LYPD6B: variants seen among roughly 807,000 people sequenced by gnomAD.
LYPD6B encodes the protein ly6/PLAUR domain-containing protein 6B.
Under a neutral mutation model 22.8 loss-of-function variants are expected in LYPD6B, and 17 were observed. The observed-to-expected ratio is 0.75, with a 90% CI of 0.51 to 1.12. LYPD6B has a LOEUF of 1.12. Ranked by LOEUF, LYPD6B falls within the 50% of genes most tolerant of loss-of-function variation. The pLI is 0.00. For synonymous variants in LYPD6B, 106 were observed against 91.6 expected (o/e 1.16, Z -0.90); for missense variants, 221 against 258.3 (o/e 0.86, Z 0.99).
At chr2:149,196,918 A>G (rs1001669858) in intron 3 of LYPD6B, among the ~76,000 whole-genome samples, 1 of 152,204 alleles carries the variant, frequency 6.6e-6, no homozygotes, top group African/African-American at 2.4e-5. Context: ...GCCACGTATT[A>G]GAGTGCATTT....
chr2:149,173,277 G>A (rs768521718), intron 3 of LYPD6B, among the ~76,000 whole-genome samples: 129 of 142,048 alleles, frequency 9.1e-4, no homozygotes, highest in Non-Finnish European at 1.7e-3. Flanking sequence ...TGCCCGTTCT[G>A]TTGATTATTT....
chr2:149,064,014 T>A (rs1049921581), intron 1 of LYPD6B, among the ~76,000 whole-genome samples: 1 of 152,240 alleles, frequency 6.6e-6, no homozygotes, highest in Non-Finnish European at 1.5e-5. Context: ...AGCAGATAGA[T>A]GCGGAATTTA....
intron 3 of LYPD6B, among the ~76,000 whole-genome samples, chr2:149,163,667 G>A (rs754497805): frequency 2.6e-4 from 40 of 152,264 alleles, no homozygotes; most frequent in Non-Finnish European, 4.7e-4. Context: ...TCAGGTTACA[G>A]GTGAGGGAAC....
intron 1 of LYPD6B, among the ~76,000 whole-genome samples, chr2:149,123,570 G>A (rs1687510101): frequency 6.6e-6 from 1 of 152,036 alleles, no homozygotes; most frequent in Admixed American, 6.6e-5. Flanking sequence ...AGGGAGGGAG[G>A]AAGAAAAGAA....
intron 1 of LYPD6B, among the ~76,000 whole-genome samples, chr2:149,081,687 C>T (rs1381515228): frequency 1.3e-5 from 2 of 152,136 alleles, no homozygotes; most frequent in East Asian, 3.8e-4. Flanking sequence ...CTCTGTCATG[C>T]CCTTCCTGAT....
At chr2:149,179,991 A>C in intron 3 of LYPD6B, among the ~76,000 whole-genome samples, 1 of 152,186 alleles carries the variant, frequency 6.6e-6, no homozygotes, top group East Asian at 1.9e-4. Flanking sequence ...ACAATAATGA[A>C]AGGAAATGTC....
chr2:149,126,280 G>A (rs1392022153), intron 1 of LYPD6B, among the ~76,000 whole-genome samples: 1 of 152,114 alleles, frequency 6.6e-6, no homozygotes, highest in African/African-American at 2.4e-5. Flanking sequence ...GGTGGGCTTA[G>A]GGGTGCTGAC....
intron 1 of LYPD6B, among the ~76,000 whole-genome samples, chr2:149,081,088 G>A (rs1212873838): frequency 6.6e-6 from 1 of 152,170 alleles, no homozygotes; most frequent in East Asian, 1.9e-4. Flanking sequence ...GCTGTAAACA[G>A]ATGCAGACAG....
chr2:149,125,216 A>C (rs1687626721), intron 1 of LYPD6B, among the ~76,000 whole-genome samples: 1 of 152,146 alleles, frequency 6.6e-6, no homozygotes, highest in South Asian at 2.1e-4. Context: ...ACAAATCACT[A>C]ATCTCCAACC....
chr2:149,197,029 G>C (rs1464615757), intron 3 of LYPD6B, among the ~76,000 whole-genome samples: 1 of 152,090 alleles, frequency 6.6e-6, no homozygotes, highest in Non-Finnish European at 1.5e-5. Flanking sequence ...AGCTTTGATT[G>C]GTTATTAAAA....
Position 149,119,660 on chromosome 2 carries a change from G to A in LYPD6B, c.-66-11223G>A, listed in dbSNP as rs146563094. Reference sequence around the variant, plus strand: ...TCATTTTAAAAGGAGTTAGAAGAATGTGAAGAAGGTCATGGCCATCAATCT... The same window carrying A: ...TCATTTTAAAAGGAGTTAGAAGAATATGAAGAAGGTCATGGCCATCAATCT... On this transcript the variant is annotated intron_variant, in intron 1 of 6. Coordinates refer to ENST00000409642, the MANE Select transcript of LYPD6B (RefSeq NM_177964.5). Among the ~76,000 whole-genome samples the A allele has an allele frequency of 3.0e-3, 457 of 152,318 alleles. 1 individual carries two copies. Among genetic ancestry groups the A allele is most frequent in the African/African-American group, 0.01 (433 of 41,576 alleles).
chr2:149,210,957 G>C (rs1693811782), intron 5 of LYPD6B, among the ~76,000 whole-genome samples: 1 of 152,166 alleles, frequency 6.6e-6, no homozygotes, highest in African/African-American at 2.4e-5. Context: ...GATTTAATTG[G>C]CTTACGGTTC....
intron 2 of LYPD6B, among the ~76,000 whole-genome samples, chr2:149,150,912 T>TA (rs5835277): frequency 0.65 from 98,522 of 151,776 alleles, 32,152 homozygotes; most frequent in South Asian, 0.76. Context: ...CTGATTTTTT[T>TA]AAATTTTCTA....
intron 3 of LYPD6B, among the ~76,000 whole-genome samples, chr2:149,182,546 G>A (rs781622438): frequency 5.3e-5 from 8 of 152,178 alleles, no homozygotes; most frequent in Non-Finnish European, 1.2e-4. Context: ...AAGAAGCAGC[G>A]TAAATAAGTT....
At chr2:149,073,155 G>C (rs1684703797) in intron 1 of LYPD6B, among the ~76,000 whole-genome samples, 1 of 152,190 alleles carries the variant, frequency 6.6e-6, no homozygotes, top group African/African-American at 2.4e-5. Context: ...AGTTTTTTGA[G>C]TAGAATGGCA....
intron 1 of LYPD6B, among the ~76,000 whole-genome samples, chr2:149,084,840 G>A (rs141508157): frequency 6.6e-6 from 1 of 152,196 alleles, no homozygotes; most frequent in East Asian, 1.9e-4. Flanking sequence ...GTCTGCCCTT[G>A]AGTTTCTTCT....
chr2:149,187,300 A>C (rs1692177039), intron 3 of LYPD6B: 6 of 989,226 alleles, frequency 6.1e-6, no homozygotes, highest in Non-Finnish European at 8.1e-6. Flanking sequence ...CAGAATTTGA[A>C]TAATGCACTA....
chr2:149,082,447 G>A (rs916627628), intron 1 of LYPD6B, among the ~76,000 whole-genome samples: 4 of 152,160 alleles, frequency 2.6e-5, no homozygotes, highest in African/African-American at 9.7e-5. Flanking sequence ...GAATTTGAAA[G>A]GGGCTTGCAT....
chr2:149,148,831 G>GT lies in LYPD6B; in HGVS notation c.6-11933_6-11932insT, dbSNP rs1436089473. On this transcript the variant is annotated intron_variant, in intron 2 of 6. Transcript: ENST00000409642. ...GTGTGACACGAGTGCTTGGCTGACTGCAAAGAGTAGGATTATGGGACAGTG... is the reference window on the plus strand; with the variant it reads ...GTGTGACACGAGTGCTTGGCTGACTGTCAAAGAGTAGGATTATGGGACAGTG... Among the ~76,000 whole-genome samples, 10 of 152,302 alleles carry GT rather than the reference G, an allele frequency of 6.6e-5. No individual in the cohort carries two copies. In the East Asian group the frequency reaches 1.9e-3, roughly 29 times the overall value.
Sources: gnomAD v4.1 joint callset for allele counts (sites outside exome capture counted in the v4.1 genomes callset) on GRCh38, gnomAD v4.1.1 for gene constraint, MANE v1.5 for transcripts, NCBI Gene and HGNC (gene_info 2026-07-23, HGNC 2026-07-21) for gene names.